The following AFG2A variants were observed in gnomAD, a reference collection of about 807,000 sequenced individuals.
AFG2A encodes the protein ATPase family gene 2 protein homolog A.
At chr4:123,289,831 T>C in the AFG2A span, among the ~76,000 whole-genome samples, 3 of 152,202 alleles carry the variant, frequency 2.0e-5, no homozygotes, top group African/African-American at 7.2e-5. Context: ...TGTCTTTTTT[T>C]GTGTGAAAAA....
chr4:122,942,743 A>G, the AFG2A span, among the ~76,000 whole-genome samples: 2 of 149,948 alleles, frequency 1.3e-5, no homozygotes, highest in Non-Finnish European at 3.0e-5. Context: ...TCAATTTTGG[A>G]TCTTTCCTGC....
the AFG2A span, among the ~76,000 whole-genome samples, chr4:123,113,383 T>C: frequency 6.9e-5 from 2 of 28,790 alleles, no homozygotes; most frequent in Admixed American, 5.3e-4. Flanking sequence ...TGAATTGTAT[T>C]ATCTGTACTG....
At chr4:123,151,941 G>A in the AFG2A span, among the ~76,000 whole-genome samples, 1 of 152,112 alleles carries the variant, frequency 6.6e-6, no homozygotes, top group Non-Finnish European at 1.5e-5. Flanking sequence ...GAAATACTAT[G>A]CAGCCATAAA....
the AFG2A span, among the ~76,000 whole-genome samples, chr4:123,096,770 A>C: frequency 6.6e-6 from 1 of 152,124 alleles, no homozygotes; most frequent in African/African-American, 2.4e-5. Flanking sequence ...CAATTGAGAA[A>C]AATTGTGAAA....
At chr4:123,154,986 T>G in the AFG2A span, among the ~76,000 whole-genome samples, 1 of 152,134 alleles carries the variant, frequency 6.6e-6, no homozygotes, top group Non-Finnish European at 1.5e-5. Context: ...CCTCTTTTCT[T>G]CCCTCCCTCT....
chr4:123,182,476 C>A, the AFG2A span, among the ~76,000 whole-genome samples: 36 of 152,278 alleles, frequency 2.4e-4, no homozygotes, highest in East Asian at 2.7e-3. Context: ...ATAGTGCCTC[C>A]CACATAGTAG....
chr4:123,053,461 C>T, the AFG2A span, among the ~76,000 whole-genome samples: 1 of 152,248 alleles, frequency 6.6e-6, no homozygotes, highest in African/African-American at 2.4e-5. Flanking sequence ...GGAGTTGAGA[C>T]TGGGCTGCGT....
chr4:123,097,238 T>C, the AFG2A span, among the ~76,000 whole-genome samples: 1 of 152,090 alleles, frequency 6.6e-6, no homozygotes, highest in African/African-American at 2.4e-5. Context: ...TCTTTCGATA[T>C]TCAAATGACT....
chr4:123,237,994 G>A, the AFG2A span, among the ~76,000 whole-genome samples: 103 of 152,300 alleles, frequency 6.8e-4, no homozygotes, highest in African/African-American at 2.5e-3. Context: ...TTTTCCCATG[G>A]TCTTAACAAC....
chr4:123,237,664 C>A, the AFG2A span, among the ~76,000 whole-genome samples: 6 of 94,602 alleles, frequency 6.3e-5, no homozygotes, highest in South Asian at 1.8e-3. Context: ...CAGAGTGAAA[C>A]CTTGTCTCAA....
At chr4:123,012,374 G>A in the AFG2A span, among the ~76,000 whole-genome samples, 6 of 147,918 alleles carry the variant, frequency 4.1e-5, no homozygotes, top group Non-Finnish European at 9.0e-5. Flanking sequence ...GTAGAGACAC[G>A]GAGAGAAGGG....
the AFG2A span, among the ~76,000 whole-genome samples, chr4:123,152,280 A>G: frequency 6.6e-6 from 1 of 152,192 alleles, no homozygotes; most frequent in Admixed American, 6.5e-5. Context: ...CTGCACACGT[A>G]TCCCAGAACT....
the AFG2A span, among the ~76,000 whole-genome samples, chr4:122,975,535 T>G: frequency 6.6e-6 from 1 of 152,148 alleles, no homozygotes; most frequent in South Asian, 2.1e-4. Context: ...GGAAAGAATA[T>G]TGCAGCAACA....
At chr4:123,308,639 C>A in the AFG2A span, among the ~76,000 whole-genome samples, 2 of 152,152 alleles carry the variant, frequency 1.3e-5, no homozygotes, top group Non-Finnish European at 2.9e-5. Flanking sequence ...CGCCCCCTGT[C>A]CATGGAAAGA....
At chr4:122,984,485 A>G in the AFG2A span, among the ~76,000 whole-genome samples, 2 of 152,158 alleles carry the variant, frequency 1.3e-5, no homozygotes, top group Non-Finnish European at 2.9e-5. Flanking sequence ...TTCCAATACT[A>G]TGATGAAGAG....
the AFG2A span, among the ~76,000 whole-genome samples, chr4:123,003,376 G>A: frequency 7.2e-5 from 11 of 152,182 alleles, no homozygotes; most frequent in African/African-American, 2.7e-4. Context: ...AGGAGGAGAG[G>A]CGCTCTGCTT....
chr4:123,134,492 A>G, the AFG2A span, among the ~76,000 whole-genome samples: 27 of 151,758 alleles, frequency 1.8e-4, no homozygotes, highest in South Asian at 4.1e-4. Flanking sequence ...ATGGCTTTGC[A>G]GTATATTTTA....
At chr4:123,057,839 T>G in the AFG2A span, among the ~76,000 whole-genome samples, 1 of 152,060 alleles carries the variant, frequency 6.6e-6, no homozygotes, top group Non-Finnish European at 1.5e-5. Context: ...ACATCAGAAC[T>G]GTTCATAAGT....
At chr4:123,261,725 T>C in the AFG2A span, among the ~76,000 whole-genome samples, 14 of 152,298 alleles carry the variant, frequency 9.2e-5, no homozygotes, top group African/African-American at 3.4e-4. Context: ...CCTATTCTTT[T>C]GTACTCTTTT....
Sources: gnomAD v4.1 joint callset for allele counts (sites outside exome capture counted in the v4.1 genomes callset) on GRCh38, gnomAD v4.1.1 for gene constraint, MANE v1.5 for transcripts, NCBI Gene and HGNC (gene_info 2026-07-23, HGNC 2026-07-21) for gene names.